STRN3: variants seen among roughly 807,000 people sequenced by gnomAD.
STRN3 encodes the protein striatin 3.
A neutral mutation model predicts 95.6 loss-of-function variants in STRN3; 29 were observed. That is an observed-to-expected ratio of 0.30 (90% CI 0.23 to 0.41). The LOEUF is 0.41. Among genes scored for constraint, STRN3 ranks in the 10% least tolerant of loss-of-function variants. The pLI is 1.00. For missense variants in STRN3, 890 were observed against 972.1 expected, an observed-to-expected ratio of 0.92 and a Z score of 1.12; for synonymous variants, 331 against 357.6, an observed-to-expected ratio of 0.93 and a Z score of 0.84.
Position 31,026,191 on chromosome 14 carries a change from G to A in STRN3, c.-6C>T. 2.1e-6 allele frequency: 3 copies of A among 1,430,018 alleles called. No individual in the cohort carries two copies. The highest frequency in any genetic ancestry group is 2.7e-6 in the Non-Finnish European group (3 of 1,101,954). The allele number at this position is 1,430,018 out of a possible 1,614,324, so 88.6% of individuals were successfully genotyped here. A position where few individuals can be genotyped will look rare whatever the true frequency, so the allele number is the denominator to read the frequency against. The stretch of plus-strand genomic sequence containing the variant: ...CCTCCGGCAAGCTCGTCCATTGTGT[G>A]TGGGGCCCCGGCCGGGGCGCAGGGC... On this transcript the variant is annotated 5_prime_UTR_variant, in exon 1 of 18. Coordinates refer to ENST00000357479, the MANE Select transcript of STRN3 (RefSeq NM_001083893.2).
At chr14:31,015,786 C>A (rs1409738920) in intron 1 of STRN3, among the ~76,000 whole-genome samples, 2 of 152,164 alleles carry the variant, frequency 1.3e-5, no homozygotes, top group African/African-American at 4.8e-5. Flanking sequence ...AAGTTCAGTT[C>A]TGTTCCCAGC....
At position 30,913,612 on chromosome 14, in the gene STRN3, A is replaced by G. The variant is rs1320482755; in HGVS notation, c.1286T>C (p.Met429Thr). ...ACTTAACAAAACATCATCAGAACCC[A>G]TAATAAATGACTTGCCTCCTCCAGA... ...FPSGGGKSFI[M>T]GSDDVLLSVL... is the part of the protein sequence containing the mutation. The change falls in exon 10 of 18, where the codon ATG (methionine) becomes ACG (threonine). Residue 429 changes from methionine to threonine, a missense_variant. Around this residue, in one of 3 missense-constraint regions of STRN3, gnomAD observed 7 missense variants for 23.0 expected, o/e 0.30. Coordinates refer to ENST00000357479, the MANE Select transcript of STRN3 (RefSeq NM_001083893.2). 1.9e-6 allele frequency: 3 copies of G among 1,613,962 alleles called. No individual in the cohort carries two copies. The highest frequency in any genetic ancestry group is 4.5e-5 in the East Asian group (2 of 44,862).
intron 1 of STRN3, among the ~76,000 whole-genome samples, chr14:30,981,922 C>A (rs1168697527): frequency 6.6e-6 from 1 of 151,670 alleles, no homozygotes; most frequent in East Asian, 1.9e-4. Context: ...TGGTGAAACC[C>A]CATCTCTACT....
At chr14:30,923,892 TG>T (rs1169710711) in intron 8 of STRN3, among the ~76,000 whole-genome samples, 3 of 152,132 alleles carry the variant, frequency 2.0e-5, no homozygotes, top group African/African-American at 7.2e-5. Flanking sequence ...GTTCATACTG[TG>T]ATTTTTAATC....
At chr14:31,003,123 G>T (rs563270025) in intron 1 of STRN3, among the ~76,000 whole-genome samples, 1 of 151,690 alleles carries the variant, frequency 6.6e-6, no homozygotes, top group South Asian at 2.1e-4. Flanking sequence ...TCAGCTGGCC[G>T]TGGTGGTGGG....
At chr14:30,992,685 G>A (rs890755272) in intron 1 of STRN3, among the ~76,000 whole-genome samples, 2 of 150,900 alleles carry the variant, frequency 1.3e-5, no homozygotes, top group Non-Finnish European at 2.9e-5. Context: ...TCAATTCATC[G>A]TATTTTTATA....
intron 1 of STRN3, among the ~76,000 whole-genome samples, chr14:31,011,246 A>AC (rs1487138266): frequency 1.3e-5 from 2 of 152,172 alleles, no homozygotes; most frequent in African/African-American, 4.8e-5. Flanking sequence ...GTATATACAC[A>AC]CCACAGAAAT....
rs754097853 is a variant in STRN3 at position 30,911,172 on chromosome 14, G to A, written c.1599-10C>T. 7 of 1,603,208 alleles carry A rather than the reference G, an allele frequency of 4.4e-6. No individual in the cohort carries two copies. The highest frequency in any genetic ancestry group is 5.1e-6 in the Non-Finnish European group (6 of 1,176,860). On this transcript the variant is annotated splice_polypyrimidine_tract_variant and intron_variant, in intron 12 of 17. Transcript: ENST00000357479. ...TGACAGAACAGGGCCGCTATTGTAG[G>A]AAGAGAGGAAAAACAAATTACTGAT...
intron 8 of STRN3, among the ~76,000 whole-genome samples, chr14:30,924,126 T>G (rs750752318): frequency 6.6e-6 from 1 of 150,606 alleles, no homozygotes; most frequent in African/African-American, 2.4e-5. Context: ...GACTGTACTG[T>G]GGTCATACAT....
At chr14:30,960,651 C>T (rs562952814) in intron 1 of STRN3, among the ~76,000 whole-genome samples, 8 of 151,842 alleles carry the variant, frequency 5.3e-5, no homozygotes, top group Non-Finnish European at 8.8e-5. Flanking sequence ...GGGCAGATCA[C>T]GAGGTCAGGA....
intron 5 of STRN3, among the ~76,000 whole-genome samples, chr14:30,938,797 G>A (rs1471354213): frequency 6.6e-6 from 1 of 152,032 alleles, no homozygotes; most frequent in African/African-American, 2.4e-5. Flanking sequence ...TAAAAAATGG[G>A]GAAATATTTC....
intron 1 of STRN3, among the ~76,000 whole-genome samples, chr14:31,012,189 T>C (rs1002326671): frequency 6.6e-6 from 1 of 152,256 alleles, no homozygotes; most frequent in African/African-American, 2.4e-5. Context: ...CCCTTATCCA[T>C]TGTTACTCTC....
chr14:30,993,254 CAAAAAA>C (rs35552314), intron 1 of STRN3, among the ~76,000 whole-genome samples: 3 of 129,640 alleles, frequency 2.3e-5, no homozygotes, highest in South Asian at 2.5e-4. Context: ...GACACTGTCT[CAAAAAA>C]AAAAAAAAAA....
intron 1 of STRN3, among the ~76,000 whole-genome samples, chr14:30,968,953 AT>A (rs1307814334): frequency 1.3e-5 from 2 of 152,128 alleles, no homozygotes; most frequent in Non-Finnish European, 1.5e-5. Flanking sequence ...GTTAAAAAAA[AT>A]ATATATTTTG....
chr14:30,918,135 T>A (rs1260170477), intron 9 of STRN3, among the ~76,000 whole-genome samples: 1 of 152,180 alleles, frequency 6.6e-6, no homozygotes, highest in East Asian at 1.9e-4. Flanking sequence ...TGCTACCAAG[T>A]TAAAGAATAA....
At chr14:31,009,019 A>G (rs1367591838) in intron 1 of STRN3, among the ~76,000 whole-genome samples, 1 of 152,160 alleles carries the variant, frequency 6.6e-6, no homozygotes, top group Non-Finnish European at 1.5e-5. Context: ...AGCCTGGGAA[A>G]CAGAAAGAGA....
chr14:31,018,640 C>G (rs1179559552), intron 1 of STRN3: 1 of 488,310 alleles, frequency 2.0e-6, no homozygotes, highest in Non-Finnish European at 4.1e-6. Context: ...AGTGCAAGAA[C>G]TTTGCGGACA....
At chr14:30,943,139 T>C (rs1339803852) in intron 5 of STRN3, among the ~76,000 whole-genome samples, 1 of 152,224 alleles carries the variant, frequency 6.6e-6, no homozygotes, top group South Asian at 2.1e-4. Context: ...TAAACATCAT[T>C]TTGCTGAAAT....
intron 1 of STRN3, among the ~76,000 whole-genome samples, chr14:30,980,742 CA>C (rs1450621084): frequency 3.3e-5 from 5 of 152,048 alleles, no homozygotes; most frequent in Non-Finnish European, 7.4e-5. Flanking sequence ...CTTGCTTTGA[CA>C]AATAACTTCA....
Sources: allele counts gnomAD v4.1 joint callset (sites outside exome capture counted in the v4.1 genomes callset), GRCh38; gene constraint gnomAD v4.1.1; regional missense constraint gnomAD v4.1.1; transcripts MANE v1.5; gene names NCBI Gene and HGNC (gene_info 2026-07-23, HGNC 2026-07-21).